The following CADPS2 variants were observed in gnomAD, a reference collection of about 807,000 sequenced individuals.
CADPS2 encodes calcium dependent secretion activator 2, also known as calcium-dependent secretion activator 2.
CADPS2 carries 93 observed loss-of-function variants against 172.5 expected under a neutral mutation model. The ratio of observed to expected loss-of-function variants is 0.54; its 90% CI spans 0.46 to 0.64. The LOEUF (loss-of-function observed/expected upper bound fraction) is 0.64. Among genes scored for constraint, CADPS2 ranks in the 30% least tolerant of loss-of-function variants. The pLI is 0.00. For synonymous variants in CADPS2, 546 were observed against 555.2 expected (o/e 0.98, Z 0.23); for missense variants, 1,420 against 1,565.9 (o/e 0.91, Z 1.57).
intron 28 of CADPS2, among the ~76,000 whole-genome samples, chr7:122,334,641 C>T (rs1407145378): frequency 2.6e-5 from 4 of 152,120 alleles, no homozygotes; most frequent in Admixed American, 6.5e-5. Context: ...TGGATACAAA[C>T]TTTGTGTTGG....
intron 1 of CADPS2, among the ~76,000 whole-genome samples, chr7:122,781,499 TAA>T (rs1417949770): frequency 6.6e-6 from 1 of 152,174 alleles, no homozygotes; most frequent in Admixed American, 6.5e-5. Context: ...TTGTAATACA[TAA>T]GAGATTTCAC....
At chr7:122,718,497 T>C (rs963841233) in intron 2 of CADPS2, among the ~76,000 whole-genome samples, 10 of 152,068 alleles carry the variant, frequency 6.6e-5, no homozygotes, top group Admixed American at 2.0e-4. Context: ...AAAGTTCAGA[T>C]AGTTAAGGGT....
chr7:122,866,637 G>A (rs551995553), intron 1 of CADPS2, among the ~76,000 whole-genome samples: 4 of 152,314 alleles, frequency 2.6e-5, no homozygotes, highest in African/African-American at 9.6e-5. Context: ...GCAGGTAGAG[G>A]TTGCAGTGAG....
intron 2 of CADPS2, among the ~76,000 whole-genome samples, chr7:122,720,989 A>C (rs879440951): frequency 6.6e-6 from 1 of 151,980 alleles, no homozygotes; most frequent in Non-Finnish European, 1.5e-5. Context: ...CTTAATCTTA[A>C]TTTTCAGAGC....
chr7:122,825,155 T>C (rs1804518652), intron 1 of CADPS2, among the ~76,000 whole-genome samples: 2 of 152,188 alleles, frequency 1.3e-5, no homozygotes, highest in East Asian at 1.9e-4. Flanking sequence ...CCCTAACAGA[T>C]ATTAAATGTT....
At chr7:122,572,201 G>A (rs2067356429) in intron 7 of CADPS2, among the ~76,000 whole-genome samples, 1 of 151,972 alleles carries the variant, frequency 6.6e-6, no homozygotes, top group Non-Finnish European at 1.5e-5. Flanking sequence ...GCTGCAAGAT[G>A]GAATGGAAAT....
intron 2 of CADPS2, among the ~76,000 whole-genome samples, chr7:122,720,144 T>C (rs1227188381): frequency 1.3e-5 from 2 of 152,064 alleles, no homozygotes; most frequent in African/African-American, 2.4e-5. Context: ...TAGAACGTCA[T>C]ACTAAAAGTG....
At chr7:122,761,691 G>C (rs983622208) in intron 1 of CADPS2, among the ~76,000 whole-genome samples, 10 of 151,410 alleles carry the variant, frequency 6.6e-5, no homozygotes, top group African/African-American at 2.4e-4. Context: ...CAAAAAAAAA[G>C]CTCTTGAAAA....
chr7:122,697,773 T>G, intron 2 of CADPS2: 1 of 1,550,588 alleles, frequency 6.4e-7, no homozygotes, highest in Non-Finnish European at 8.7e-7. Flanking sequence ...ATACACTTCC[T>G]CAAAAGTCAT....
intron 7 of CADPS2, among the ~76,000 whole-genome samples, chr7:122,579,408 G>A (rs958432892): frequency 3.4e-5 from 5 of 148,588 alleles, no homozygotes; most frequent in African/African-American, 1.2e-4. Context: ...TATGAAGAGA[G>A]TAAGGGAGCA....
chr7:122,583,950 A>G (rs1318462074), intron 6 of CADPS2, among the ~76,000 whole-genome samples: 3 of 151,428 alleles, frequency 2.0e-5, no homozygotes, highest in African/African-American at 7.3e-5. Context: ...ATTTCCCTAC[A>G]TTTATTGAAA....
Position 122,360,774 on chromosome 7 carries a change from T to TA in CADPS2, c.3504+13dup. On this transcript the variant is annotated intron_variant, in intron 27 of 29. Transcript: ENST00000449022. Reference sequence around the variant, plus strand: ...ATTCCATACAGTTTTAAAAAGCAGATAAAAAATACTTACTGGAACATCAAC... The same window carrying TA: ...ATTCCATACAGTTTTAAAAAGCAGATAAAAAAATACTTACTGGAACATCAAC... 1 of 1,546,628 alleles carries TA rather than the reference T, an allele frequency of 6.5e-7. No homozygotes were observed.
chr7:122,697,859 C>A, intron 2 of CADPS2: 1 of 1,613,142 alleles, frequency 6.2e-7, no homozygotes, highest in South Asian at 1.1e-5. Flanking sequence ...GTAGGGTTCT[C>A]CTCCACATGG....
intron 1 of CADPS2, among the ~76,000 whole-genome samples, chr7:122,878,376 G>A (rs1821857024): frequency 6.6e-6 from 1 of 151,594 alleles, no homozygotes; most frequent in Non-Finnish European, 1.5e-5. Context: ...TTGTCGGCCG[G>A]GCGCGGTGGC....
At chr7:122,820,212 G>T (rs1179606984) in intron 1 of CADPS2, among the ~76,000 whole-genome samples, 2 of 151,932 alleles carry the variant, frequency 1.3e-5, no homozygotes, top group African/African-American at 4.8e-5. Flanking sequence ...CTTAATCCCA[G>T]CCTCTCTTCA....
Position 122,592,377 on chromosome 7 carries a change from T to C in CADPS2, c.1224-11087A>G, listed in dbSNP as rs907293235. On this transcript the variant is annotated intron_variant, in intron 6 of 29. Coordinates refer to ENST00000449022, the MANE Select transcript of CADPS2 (RefSeq NM_017954.11). ...GGATGTGGAGAAATAGGAATGCTTT[T>C]ACACTGTTGGTGGGACTGTAAACTA... is the stretch of plus-strand genomic sequence containing the variant. Among the ~76,000 whole-genome samples, 110 of 152,306 alleles carry C rather than the reference T, an allele frequency of 7.2e-4. 1 individual carries two copies. The highest frequency in any genetic ancestry group is 2.5e-3 in the African/African-American group (105 of 41,570).
intron 18 of CADPS2, among the ~76,000 whole-genome samples, chr7:122,415,195 T>C (rs764078414): frequency 6.6e-6 from 1 of 152,202 alleles, no homozygotes; most frequent in Non-Finnish European, 1.5e-5. Context: ...AAGTTCAATG[T>C]TGAGAGCGAA....
chr7:122,500,473 C>A (rs915784878), intron 9 of CADPS2, among the ~76,000 whole-genome samples: 1 of 152,196 alleles, frequency 6.6e-6, no homozygotes, highest in African/African-American at 2.4e-5. Context: ...AATGTATCCT[C>A]TTCCACTTAC....
intron 19 of CADPS2, among the ~76,000 whole-genome samples, chr7:122,412,115 T>C (rs1407450584): frequency 6.6e-6 from 1 of 152,230 alleles, no homozygotes; most frequent in Non-Finnish European, 1.5e-5. Flanking sequence ...TGCAAGCTAC[T>C]TGATGGTCAT....
Sources: gnomAD v4.1 joint callset for allele counts (sites outside exome capture counted in the v4.1 genomes callset) on GRCh38, gnomAD v4.1.1 for gene constraint, MANE v1.5 for transcripts, NCBI Gene and HGNC (gene_info 2026-07-23, HGNC 2026-07-21) for gene names.